The following USP15 variants were observed in gnomAD, a reference collection of about 807,000 sequenced individuals.
USP15 encodes the protein ubiquitin specific peptidase 15, also known as ubiquitin carboxyl-terminal hydrolase 15.
USP15 carries 18 observed loss-of-function variants against 127.1 expected under a neutral mutation model. That is an observed-to-expected ratio of 0.14 (90% CI 0.10 to 0.21). The LOEUF is 0.21. Among genes scored for constraint, USP15 ranks in the 10% least tolerant of loss-of-function variants. USP15 has a pLI of 1.00. For synonymous variants in USP15, 364 were observed against 393.7 expected (o/e 0.92, Z 0.89); for missense variants, 805 against 1,159.9 (o/e 0.69, Z 4.44).
intron 19 of USP15, among the ~76,000 whole-genome samples, chr12:62,394,517 A>T (rs958394266): frequency 1.3e-5 from 2 of 152,214 alleles, no homozygotes; most frequent in African/African-American, 4.8e-5. Context: ...GTGAGCCATA[A>T]GTTTTCAAGA....
At chr12:62,336,174 T>C in intron 6 of USP15, 1 of 985,426 alleles carries the variant, frequency 1.0e-6, no homozygotes, top group Non-Finnish European at 1.2e-6. Flanking sequence ...CAAAATTAGG[T>C]GATTCTATGC....
intron 1 of USP15, among the ~76,000 whole-genome samples, chr12:62,266,183 A>G (rs112630927): frequency 1.3e-5 from 2 of 152,202 alleles, no homozygotes; most frequent in African/African-American, 4.8e-5. Flanking sequence ...CAATAATCAT[A>G]AGCTCTTATT....
intron 6 of USP15, among the ~76,000 whole-genome samples, chr12:62,344,190 A>G (rs191578981): frequency 1.3e-5 from 2 of 152,316 alleles, no homozygotes; most frequent in East Asian, 3.9e-4. Context: ...CCTTCCACCT[A>G]TGAGCCTGTA....
rs151253164 is a variant in USP15 at position 62,406,981 on chromosome 12, T to C, written c.*2606T>C. ...CTCTGTCTCAAAAAAAAAAAAGATATTCATAGGTAATACAGGGTAATGGGA... is the reference window on the plus strand; with the variant it reads ...CTCTGTCTCAAAAAAAAAAAAGATACTCATAGGTAATACAGGGTAATGGGA... On this transcript the variant is annotated 3_prime_UTR_variant, in exon 22 of 22. Coordinates refer to ENST00000280377, the MANE Select transcript of USP15 (RefSeq NM_001252078.2). 6.6e-6 allele frequency: 1 copy of C among 152,132 alleles called. No individual in the cohort carries two copies. Among genetic ancestry groups the C allele is most frequent in the African/African-American group, 2.4e-5 (1 of 41,494 alleles). The allele number at this position is 152,132 out of a possible 1,614,324, so 9.4% of individuals were successfully genotyped here.
At chr12:62,302,971 A>G in intron 3 of USP15, 51 bp downstream of exon 3, 1 of 1,552,684 alleles carries the variant, frequency 6.4e-7, no homozygotes, top group East Asian at 2.4e-5. Context: ...TGATTAGTTC[A>G]CATTTTATTA....
intron 1 of USP15, chr12:62,277,686 G>C (rs943547237): frequency 1.5e-5 from 2 of 134,338 alleles, no homozygotes; most frequent in African/African-American, 5.8e-5. Context: ...ATACACTAAC[G>C]CTAAAAATAG....
At chr12:62,275,233 G>T (rs768420055) in intron 1 of USP15, among the ~76,000 whole-genome samples, 1 of 152,134 alleles carries the variant, frequency 6.6e-6, no homozygotes, top group Admixed American at 6.6e-5. Context: ...TTGGAAATAC[G>T]ATTCAAGAAC....
At position 62,408,620 on chromosome 12, in the gene USP15, C is replaced by T. The variant is rs1229808080; in HGVS notation, c.*4245C>T. On this transcript the variant is annotated 3_prime_UTR_variant, in exon 22 of 22. Transcript: ENST00000280377. ...CATGAGGAATTTGGAAACAACCTCT[C>T]TTGAAAATATATTGGTATTCATTCC... The T allele has an allele frequency of 1.3e-5, 2 of 152,086 alleles. No homozygotes were observed. The allele number at this position is 152,086 out of a possible 1,614,324, so 9.4% of individuals were successfully genotyped here. A position where few individuals can be genotyped will look rare whatever the true frequency, so the allele number is the denominator to read the frequency against.
In USP15 at chr12:62,280,164, ATAAT is replaced by A. The variant is rs569834566; in HGVS notation, c.90-14011_90-14008del. ...TTTGTTATTAAACTTAATAAAGGTAATAATTAACCTTAATATGTTAATAATTAAT... is the reference window on the plus strand; with the variant it reads ...TTTGTTATTAAACTTAATAAAGGTAATAACCTTAATATGTTAATAATTAAT... On this transcript the variant is annotated intron_variant, in intron 1 of 21. Coordinates refer to ENST00000280377, the MANE Select transcript of USP15 (RefSeq NM_001252078.2). Among the ~76,000 whole-genome samples the A allele has an allele frequency of 9.4e-5, 14 of 148,710 alleles. No homozygotes were observed. In the South Asian group the frequency reaches 2.7e-3, roughly 29 times the overall value.
In USP15 at chr12:62,415,718, A is replaced by G. The variant is rs1351500989; in HGVS notation, c.*11343A>G. On this transcript the variant is annotated 3_prime_UTR_variant, in exon 22 of 22. Coordinates refer to ENST00000280377, the MANE Select transcript of USP15 (RefSeq NM_001252078.2). ...AAACCTATGACTTTTCTCAGAATAT[A>G]CAGTTTGCTTGTGATGGAGGGCTAT... is the stretch of plus-strand genomic sequence containing the variant. The G allele has an allele frequency of 6.6e-6, 1 of 152,214 alleles. No individual in the cohort carries two copies. The highest frequency in any genetic ancestry group is 1.5e-5 in the Non-Finnish European group (1 of 68,048). The allele number at this position is 152,214 out of a possible 1,614,324, so 9.4% of individuals were successfully genotyped here.
Position 62,378,359 on chromosome 12 carries a change from A to G in USP15, c.916-3131A>G, listed in dbSNP as rs764130479. ...TATTAGTAGAACAATTATATTGACT[A>G]TTGAATTTATGTATTTATATGTGTT... On this transcript the variant is annotated intron_variant, in intron 8 of 21. Coordinates refer to ENST00000280377, the MANE Select transcript of USP15 (RefSeq NM_001252078.2). Among the ~76,000 whole-genome samples, 131 of 152,248 alleles carry G rather than the reference A, an allele frequency of 8.6e-4. 2 individuals carry two copies. The highest frequency in any genetic ancestry group is 3.1e-3 in the African/African-American group (128 of 41,474).
At chr12:62,338,395 G>C (rs1777537206) in intron 6 of USP15, among the ~76,000 whole-genome samples, 1 of 152,128 alleles carries the variant, frequency 6.6e-6, no homozygotes, top group Non-Finnish European at 1.5e-5. Flanking sequence ...CAGATGGATA[G>C]ATTGCAGAAA....
intron 8 of USP15, among the ~76,000 whole-genome samples, chr12:62,371,096 G>A (rs1404658329): frequency 6.6e-6 from 1 of 152,050 alleles, no homozygotes; most frequent in Non-Finnish European, 1.5e-5. Context: ...TGAATACAGT[G>A]CTTCCAAATT....
At chr12:62,356,039 TTTGA>T (rs2066118045) in intron 8 of USP15, among the ~76,000 whole-genome samples, 2 of 151,632 alleles carry the variant, frequency 1.3e-5, no homozygotes, top group African/African-American at 4.8e-5. Context: ...TATTTATGTC[TTTGA>T]TTGATTCTGA....
At chr12:62,271,089 TA>T (rs897466139) in intron 1 of USP15, among the ~76,000 whole-genome samples, 67 of 152,128 alleles carry the variant, frequency 4.4e-4, no homozygotes, top group African/African-American at 1.6e-3. Flanking sequence ...ATAAGTGTGC[TA>T]ATTATCAAAA....
intron 1 of USP15, among the ~76,000 whole-genome samples, chr12:62,276,223 A>G (rs2063485722): frequency 1.3e-5 from 2 of 152,156 alleles, no homozygotes. Flanking sequence ...ACTTCTTTAC[A>G]GGAACACAGT....
At chr12:62,371,322 G>T (rs1298943506) in intron 8 of USP15, among the ~76,000 whole-genome samples, 3 of 152,056 alleles carry the variant, frequency 2.0e-5, no homozygotes, top group Non-Finnish European at 4.4e-5. Flanking sequence ...CATTTCTCAT[G>T]GACAAATACG....
Position 62,391,914 on chromosome 12 carries a change from C to A in USP15, c.2304+28C>A, listed in dbSNP as rs141439541. Reference sequence around the variant, plus strand: ...AAGTCATCACTCACTCACTTATTTACCTTTCCTTGATTTACTTTATGTGAT... The same window carrying A: ...AAGTCATCACTCACTCACTTATTTAACTTTCCTTGATTTACTTTATGTGAT... On this transcript the variant is annotated intron_variant, in intron 17 of 21. Transcript: ENST00000280377. The A allele has an allele frequency of 1.4e-4, 226 of 1,570,050 alleles. No individual in the cohort carries two copies. In the African/African-American group the frequency reaches 2.5e-3, roughly 18 times the overall value.
chr12:62,295,056 C>T (rs2064087642), intron 2 of USP15, among the ~76,000 whole-genome samples: 1 of 152,240 alleles, frequency 6.6e-6, no homozygotes, highest in African/African-American at 2.4e-5. Context: ...ACAGAGTTTG[C>T]AGTCTAGGAA....
Sources: allele counts gnomAD v4.1 joint callset (sites outside exome capture counted in the v4.1 genomes callset), GRCh38; gene constraint gnomAD v4.1.1; transcripts MANE v1.5; gene names NCBI Gene and HGNC (gene_info 2026-07-23, HGNC 2026-07-21).